Variants in HTR1F observed in about 807,000 individuals in gnomAD.
HTR1F encodes 5-hydroxytryptamine (serotonin) receptor 1F, G protein-coupled.
In HTR1F, 17 loss-of-function variants were observed where a neutral mutation model predicts 24.0. The observed-to-expected ratio is 0.71, with a 90% CI of 0.48 to 1.06. The LOEUF is 1.06. Among genes scored for constraint, HTR1F ranks in the 50% least tolerant of loss-of-function variants. The pLI, the probability that HTR1F is intolerant of heterozygous loss-of-function variation, is 0.00. For synonymous variants in HTR1F, 186 were observed against 156.8 expected (o/e 1.19, Z -1.39); for missense variants, 391 against 427.8 (o/e 0.91, Z 0.76).
chr3:87,920,368 CA>C (rs1430989351), intron 2 of HTR1F, among the ~76,000 whole-genome samples: 7 of 151,826 alleles, frequency 4.6e-5, no homozygotes. Context: ...CTCATGTAAC[CA>C]AACACCACCT....
chr3:87,837,938 G>C (rs1463422190), intron 2 of HTR1F, among the ~76,000 whole-genome samples: 1 of 151,526 alleles, frequency 6.6e-6, no homozygotes. Flanking sequence ...TATATTTTTA[G>C]AATTTCTTAT....
At chr3:87,955,422 T>C (rs1427073671) in intron 2 of HTR1F, among the ~76,000 whole-genome samples, 2 of 151,580 alleles carry the variant, frequency 1.3e-5, no homozygotes, top group African/African-American at 4.8e-5. Context: ...ATTGTATGAA[T>C]GGCACATCTT....
chr3:87,881,003 T>G (rs1356690486), intron 2 of HTR1F, among the ~76,000 whole-genome samples: 1 of 152,152 alleles, frequency 6.6e-6, no homozygotes, highest in Non-Finnish European at 1.5e-5. Flanking sequence ...CAGTTCCCAG[T>G]GTGAGCGACA....
chr3:87,810,208 C>T (rs1399413082), intron 1 of HTR1F, among the ~76,000 whole-genome samples: 1 of 152,022 alleles, frequency 6.6e-6, no homozygotes, highest in Non-Finnish European at 1.5e-5. Flanking sequence ...CTGCTAGAAA[C>T]TGATGTAGGT....
intron 2 of HTR1F, among the ~76,000 whole-genome samples, chr3:87,984,361 A>G (rs1416075169): frequency 6.6e-6 from 1 of 151,696 alleles, no homozygotes; most frequent in East Asian, 1.9e-4. Flanking sequence ...TGACAAGTAC[A>G]AAGTGTTGTT....
At chr3:87,914,294 G>A (rs1441235128) in intron 2 of HTR1F, among the ~76,000 whole-genome samples, 1 of 152,158 alleles carries the variant, frequency 6.6e-6, no homozygotes, top group Admixed American at 6.5e-5. Context: ...ACAGGGAGAA[G>A]GAAATCTCCA....
chr3:87,849,630 C>T (rs1279102579), intron 2 of HTR1F, among the ~76,000 whole-genome samples: 3 of 151,832 alleles, frequency 2.0e-5, no homozygotes, highest in Non-Finnish European at 4.4e-5. Context: ...AACTAAAGAG[C>T]TTCTGCACAG....
intron 1 of HTR1F, among the ~76,000 whole-genome samples, chr3:87,813,247 C>T (rs1458242471): frequency 3.3e-5 from 5 of 152,170 alleles, no homozygotes; most frequent in Admixed American, 1.3e-4. Context: ...CTTGCATCAG[C>T]GTGCCCTGTA....
At chr3:87,825,758 T>G (rs1409804905) in intron 2 of HTR1F, among the ~76,000 whole-genome samples, 1 of 152,138 alleles carries the variant, frequency 6.6e-6, no homozygotes, top group African/African-American at 2.4e-5. Flanking sequence ...CAAAGCCTTC[T>G]CCCTGAAAGC....
intron 2 of HTR1F, among the ~76,000 whole-genome samples, chr3:87,954,020 C>G (rs527488779): frequency 1.3e-5 from 2 of 151,484 alleles, no homozygotes. Flanking sequence ...TGATAGTTAC[C>G]AGAGACAGGG....
chr3:87,871,190 G>C (rs1705547705), intron 2 of HTR1F, among the ~76,000 whole-genome samples: 1 of 151,716 alleles, frequency 6.6e-6, no homozygotes, highest in South Asian at 2.1e-4. Flanking sequence ...CACAAAATGA[G>C]AATATCAATA....
chr3:87,866,101 T>TG (rs1166135518), intron 2 of HTR1F, among the ~76,000 whole-genome samples: 1 of 152,180 alleles, frequency 6.6e-6, no homozygotes, highest in Non-Finnish European at 1.5e-5. Context: ...GAAGGACCAG[T>TG]GAGAACCATG....
chr3:87,826,583 G>A (rs1339353179), intron 2 of HTR1F, among the ~76,000 whole-genome samples: 4 of 152,054 alleles, frequency 2.6e-5, no homozygotes, highest in East Asian at 1.9e-4. Context: ...TCTCTATAAA[G>A]CATTGCCAAC....
intron 2 of HTR1F, among the ~76,000 whole-genome samples, chr3:87,952,171 C>A (rs969495695): frequency 2.0e-5 from 3 of 151,966 alleles, no homozygotes; most frequent in Non-Finnish European, 2.9e-5. Flanking sequence ...AGGTCACATT[C>A]TACATTGACT....
intron 1 of HTR1F, among the ~76,000 whole-genome samples, chr3:87,815,978 T>G (rs917126526): frequency 4.6e-5 from 7 of 152,126 alleles, no homozygotes; most frequent in African/African-American, 1.7e-4. Context: ...AATCCATCTA[T>G]TCTCATGAAA....
intron 2 of HTR1F, among the ~76,000 whole-genome samples, chr3:87,983,057 C>T (rs1705586402): frequency 6.6e-6 from 1 of 151,988 alleles, no homozygotes; most frequent in African/African-American, 2.4e-5. Context: ...TCATTGGAGC[C>T]AACAGACAAA....
chr3:87,818,443 A>G (rs1299927148), intron 1 of HTR1F, among the ~76,000 whole-genome samples: 1 of 152,180 alleles, frequency 6.6e-6, no homozygotes, highest in Admixed American at 6.5e-5. Context: ...CAAGAAAGCT[A>G]CTTGCAAAGT....
intron 2 of HTR1F, among the ~76,000 whole-genome samples, chr3:87,940,537 G>T (rs1488504880): frequency 2.0e-5 from 3 of 152,166 alleles, no homozygotes; most frequent in African/African-American, 7.2e-5. Flanking sequence ...CATGCTCATG[G>T]ATGGGAAGAA....
At chr3:87,903,096 C>T (rs1232961644) in intron 2 of HTR1F, among the ~76,000 whole-genome samples, 1 of 151,960 alleles carries the variant, frequency 6.6e-6, no homozygotes. Flanking sequence ...AACTGGATCC[C>T]TTCCTTACAC....
Sources: allele counts gnomAD v4.1 joint callset (sites outside exome capture counted in the v4.1 genomes callset), GRCh38; gene constraint gnomAD v4.1.1; transcripts MANE v1.5; gene names NCBI Gene and HGNC (gene_info 2026-07-23, HGNC 2026-07-21).